The following MSRA variants were observed in gnomAD, a reference collection of about 807,000 sequenced individuals.
The protein encoded by MSRA is mitochondrial peptide methionine sulfoxide reductase.
MSRA carries 54 observed loss-of-function variants against 31.3 expected under a neutral mutation model. That is an observed-to-expected ratio of 1.73 (90% CI 1.39 to 2.17). The LOEUF is 2.17. Ranked by LOEUF, MSRA falls within the 30% of genes most tolerant of loss-of-function variation. The pLI is 0.00. For missense variants in MSRA, 507 were observed against 300.9 expected, an observed-to-expected ratio of 1.69 and a Z score of -5.07; for synonymous variants, 169 against 116.5, an observed-to-expected ratio of 1.45 and a Z score of -2.90.
intron 1 of MSRA, among the ~76,000 whole-genome samples, chr8:10,177,393 A>G (rs1236043589): frequency 6.6e-6 from 1 of 152,250 alleles, no homozygotes; most frequent in South Asian, 2.1e-4. Flanking sequence ...TGCTTATGGT[A>G]TGGCATCCTA....
chr8:10,096,049 T>G, intron 1 of MSRA: 1 of 1,414,934 alleles, frequency 7.1e-7, no homozygotes, highest in Non-Finnish European at 9.3e-7. Context: ...AGAACGTAAG[T>G]TTTTAGATTT....
intron 3 of MSRA, among the ~76,000 whole-genome samples, chr8:10,283,823 A>ATATATATG (rs1799774505): frequency 2.5e-5 from 2 of 80,588 alleles, no homozygotes; most frequent in African/African-American, 9.3e-5. Flanking sequence ...ATATATATAT[A>ATATATATG]TATATATATA....
At chr8:10,056,922 T>C (rs1802406136) in intron 1 of MSRA, among the ~76,000 whole-genome samples, 2 of 152,224 alleles carry the variant, frequency 1.3e-5, no homozygotes, top group African/African-American at 4.8e-5. Context: ...GTTTCTTTAG[T>C]GCGTTTAGAT....
At chr8:10,097,744 A>G (rs577473751) in intron 1 of MSRA, among the ~76,000 whole-genome samples, 24 of 152,262 alleles carry the variant, frequency 1.6e-4, no homozygotes, top group African/African-American at 5.8e-4. Flanking sequence ...AAACTATTTC[A>G]TGTCCAATTA....
chr8:10,324,637 C>T (rs1245586707), intron 5 of MSRA, among the ~76,000 whole-genome samples: 2 of 152,142 alleles, frequency 1.3e-5, no homozygotes, highest in Non-Finnish European at 2.9e-5. Flanking sequence ...TGATTTTTAT[C>T]TTAGCTTAGC....
intron 1 of MSRA, among the ~76,000 whole-genome samples, chr8:10,071,546 T>A (rs986502602): frequency 6.6e-6 from 1 of 152,000 alleles, no homozygotes; most frequent in Admixed American, 6.6e-5. Flanking sequence ...CTTTCATGGA[T>A]CATGTTTTCA....
At chr8:10,108,157 T>G (rs1800019774) in intron 1 of MSRA, among the ~76,000 whole-genome samples, 1 of 152,212 alleles carries the variant, frequency 6.6e-6, no homozygotes, top group Admixed American at 6.5e-5. Context: ...TACACCCCCG[T>G]TCTCAGTGGT....
intron 3 of MSRA, among the ~76,000 whole-genome samples, chr8:10,266,254 T>A (rs1223248451): frequency 1.3e-5 from 2 of 152,240 alleles, no homozygotes; most frequent in African/African-American, 4.8e-5. Context: ...TCATTAGCAG[T>A]TGGTATGGCC....
intron 5 of MSRA, among the ~76,000 whole-genome samples, chr8:10,384,197 C>T (rs921453423): frequency 8.5e-5 from 13 of 152,154 alleles, no homozygotes; most frequent in East Asian, 1.9e-4. Flanking sequence ...ATTCCTCCTG[C>T]GCCCTTAGAG....
rs558138363 is a variant in MSRA, at chr8:10,341,059, G to A, written c.543+21070G>A. On this transcript the variant is annotated intron_variant, in intron 5 of 5. Coordinates refer to ENST00000317173, the MANE Select transcript of MSRA (RefSeq NM_012331.5). Reference sequence around the variant, plus strand: ...GGTTGACTATTTGTAGGGCTCTGTGGATTCCAGACTCCCACTCAGACCTAC... The same window carrying A: ...GGTTGACTATTTGTAGGGCTCTGTGAATTCCAGACTCCCACTCAGACCTAC... Among the ~76,000 whole-genome samples, 5 of 152,336 alleles carry A rather than the reference G, an allele frequency of 3.3e-5. No individual in the cohort carries two copies. The South Asian group carries it at 1.0e-3, about 32-fold the overall frequency.
chr8:10,410,243 C>T (rs374989120), intron 5 of MSRA, among the ~76,000 whole-genome samples: 4 of 152,126 alleles, frequency 2.6e-5, no homozygotes, highest in Non-Finnish European at 4.4e-5. Context: ...CCAACACTCT[C>T]GTATGGAAAG....
intron 5 of MSRA, among the ~76,000 whole-genome samples, chr8:10,380,598 G>A (rs568736404): frequency 1.3e-5 from 2 of 152,304 alleles, no homozygotes; most frequent in South Asian, 4.1e-4. Context: ...GTTACATTTA[G>A]TAATTTCTTT....
At chr8:10,395,376 A>C (rs1183578008) in intron 5 of MSRA, among the ~76,000 whole-genome samples, 1 of 152,206 alleles carries the variant, frequency 6.6e-6, no homozygotes, top group Non-Finnish European at 1.5e-5. Context: ...TAAGGGGATT[A>C]TAGGATGTGT....
intron 5 of MSRA, among the ~76,000 whole-genome samples, chr8:10,423,035 G>A (rs953134665): frequency 4.6e-5 from 7 of 152,176 alleles, no homozygotes; most frequent in South Asian, 4.1e-4. Flanking sequence ...CCACTGTCAC[G>A]GGTGCAGCCT....
At chr8:10,372,352 T>G (rs1805526413) in intron 5 of MSRA, among the ~76,000 whole-genome samples, 1 of 152,224 alleles carries the variant, frequency 6.6e-6, no homozygotes, top group Non-Finnish European at 1.5e-5. Context: ...GGAGATTACT[T>G]TCAGAATGCT....
intron 1 of MSRA, among the ~76,000 whole-genome samples, chr8:10,070,957 A>C (rs1192358941): frequency 6.6e-6 from 1 of 152,234 alleles, no homozygotes; most frequent in Admixed American, 6.5e-5. Context: ...GCTGCTATGA[A>C]CATTCATGTC....
chr8:10,170,813 T>C (rs1470628254), intron 1 of MSRA, among the ~76,000 whole-genome samples: 1 of 152,232 alleles, frequency 6.6e-6, no homozygotes, highest in Non-Finnish European at 1.5e-5. Flanking sequence ...CATCCATTTT[T>C]ATGGTACTCT....
intron 5 of MSRA, among the ~76,000 whole-genome samples, chr8:10,427,722 C>T (rs778736546): frequency 6.6e-6 from 1 of 152,162 alleles, no homozygotes; most frequent in African/African-American, 2.4e-5. Flanking sequence ...TTCATTCCCT[C>T]CCACTGTGGC....
At chr8:10,147,803 G>GTTT (rs1563150625) in intron 1 of MSRA, among the ~76,000 whole-genome samples, 1 of 152,192 alleles carries the variant, frequency 6.6e-6, no homozygotes, top group Non-Finnish European at 1.5e-5. Context: ...CCAGGGGCTC[G>GTTT]GAGACAGGTC....
Sources: gnomAD v4.1 joint callset for allele counts (sites outside exome capture counted in the v4.1 genomes callset) on GRCh38, gnomAD v4.1.1 for gene constraint, MANE v1.5 for transcripts, NCBI Gene and HGNC (gene_info 2026-07-23, HGNC 2026-07-21) for gene names.